Variants in DOCK4 observed in about 807,000 individuals in gnomAD.
The protein encoded by DOCK4 is dedicator of cytokinesis protein 4.
DOCK4 carries 97 observed loss-of-function variants against 268.1 expected under a neutral mutation model. The ratio of observed to expected loss-of-function variants is 0.36; its 90% CI spans 0.31 to 0.43. The LOEUF (loss-of-function observed/expected upper bound fraction) is 0.43. DOCK4 is among the 20% of genes least tolerant of loss of function. The probability of loss-of-function intolerance (pLI) is 1.00; values close to 1 mark genes in which losing one functional copy is unlikely to be tolerated. For missense variants in DOCK4, 2,145 were observed against 2,455.7 expected (o/e 0.87, Z 2.67); for synonymous variants, 954 against 887.2 (o/e 1.08, Z -1.34).
At chr7:111,767,391 T>G (rs1261391864) in intron 37 of DOCK4, among the ~76,000 whole-genome samples, 1 of 152,000 alleles carries the variant, frequency 6.6e-6, no homozygotes, top group Non-Finnish European at 1.5e-5. Flanking sequence ...CACACCCAGC[T>G]AATTCTTGTA....
intron 1 of DOCK4, among the ~76,000 whole-genome samples, chr7:112,185,901 C>A (rs1563167697): frequency 6.6e-6 from 1 of 152,232 alleles, no homozygotes; most frequent in Non-Finnish European, 1.5e-5. Context: ...CTGGCTGCAG[C>A]TGAGGGTAGG....
intron 1 of DOCK4, among the ~76,000 whole-genome samples, chr7:112,189,402 G>A (rs906703875): frequency 3.9e-5 from 6 of 152,124 alleles, no homozygotes; most frequent in Non-Finnish European, 8.8e-5. Context: ...AGTACTGACC[G>A]AAGATTTTCT....
At chr7:112,127,812 T>C (rs1813381695) in intron 1 of DOCK4, among the ~76,000 whole-genome samples, 2 of 152,120 alleles carry the variant, frequency 1.3e-5, no homozygotes, top group Non-Finnish European at 2.9e-5. Context: ...GGGTGGATCA[T>C]GAGGTCAAGA....
chr7:111,934,079 A>C lies in DOCK4; in HGVS notation c.1066+1461T>G, dbSNP rs138669218. On this transcript the variant is annotated intron_variant, in intron 12 of 52. Coordinates refer to ENST00000428084, the MANE Select transcript of DOCK4 (RefSeq NM_001363540.2). ...TATATTCAAGGTGTTTTTAAAAATCAGTCTTAAAAAACAACACATTCAGTT... is the reference window on the plus strand; with the variant it reads ...TATATTCAAGGTGTTTTTAAAAATCCGTCTTAAAAAACAACACATTCAGTT... Among the ~76,000 whole-genome samples, 810 of 152,368 alleles carry C rather than the reference A, an allele frequency of 5.3e-3. 6 individuals are homozygous for C. The highest frequency in any genetic ancestry group is 0.019 in the African/African-American group (777 of 41,596).
At position 112,202,182 on chromosome 7, in the gene DOCK4, T is replaced by C. The variant is rs544553667; in HGVS notation, c.37+3920A>G. ...CAGATATTTCTTCAGCATACTGATT[T>C]CAATTCCTGTGAATATATACCAAGC... On this transcript the variant is annotated intron_variant, in intron 1 of 52. Transcript: ENST00000428084. Among the ~76,000 whole-genome samples the C allele has an allele frequency of 2.0e-5, 3 of 152,362 alleles. No homozygotes were observed. In the South Asian group the frequency reaches 6.2e-4, roughly 32 times the overall value.
intron 47 of DOCK4, 177 bp from the exon 48 acceptor site, chr7:111,739,654 T>C: frequency 1.6e-6 from 1 of 607,134 alleles, no homozygotes; most frequent in South Asian, 2.0e-5. Context: ...TAATGAAAAG[T>C]CTGAGATTTT....
intron 52 of DOCK4, among the ~76,000 whole-genome samples, chr7:111,731,881 G>A (rs1358192320): frequency 1.3e-5 from 2 of 152,046 alleles, no homozygotes; most frequent in East Asian, 1.9e-4. Context: ...TGTGTTTGAT[G>A]TACCTTAAAC....
chr7:112,051,271 G>A (rs1386993586), intron 1 of DOCK4, among the ~76,000 whole-genome samples: 3 of 152,076 alleles, frequency 2.0e-5, no homozygotes, highest in East Asian at 1.9e-4. Context: ...CTGGGGTGGA[G>A]GGTTAAAAAC....
intron 12 of DOCK4, among the ~76,000 whole-genome samples, chr7:111,918,088 T>C (rs1334839423): frequency 1.3e-5 from 2 of 151,734 alleles, no homozygotes; most frequent in Non-Finnish European, 2.9e-5. Context: ...CAAAATAAAA[T>C]AGAAGGAAAG....
chr7:111,885,517 A>T (rs1387372989), intron 16 of DOCK4, among the ~76,000 whole-genome samples: 1 of 152,234 alleles, frequency 6.6e-6, no homozygotes, highest in Admixed American at 6.5e-5. Flanking sequence ...TACCAGTGTT[A>T]TGGCAGATGT....
chr7:112,154,394 A>G (rs1816409008), intron 1 of DOCK4, among the ~76,000 whole-genome samples: 1 of 152,250 alleles, frequency 6.6e-6, no homozygotes, highest in Admixed American at 6.5e-5. Context: ...TTTCACAACT[A>G]AGAGCACAAC....
At chr7:112,063,238 A>C (rs1806596484) in intron 1 of DOCK4, among the ~76,000 whole-genome samples, 1 of 152,220 alleles carries the variant, frequency 6.6e-6, no homozygotes, top group African/African-American at 2.4e-5. Flanking sequence ...AGCACAGGGA[A>C]TCAAAAATGC....
intron 13 of DOCK4, among the ~76,000 whole-genome samples, chr7:111,906,289 C>T (rs28657710): frequency 0.1 from 15,143 of 152,000 alleles, 930 homozygotes; most frequent in African/African-American, 0.16. Context: ...TGGTGTCATC[C>T]AGACCATAAA....
intron 23 of DOCK4, among the ~76,000 whole-genome samples, chr7:111,861,884 A>C (rs1363488580): frequency 6.6e-6 from 1 of 152,098 alleles, no homozygotes; most frequent in East Asian, 1.9e-4. Context: ...ATATTTTTAA[A>C]GCTATGTAAT....
At chr7:111,887,975 T>G (rs1453195193) in intron 16 of DOCK4, among the ~76,000 whole-genome samples, 2 of 151,844 alleles carry the variant, frequency 1.3e-5, no homozygotes, top group Non-Finnish European at 2.9e-5. Context: ...AAAGGAAGGA[T>G]GCAGATAAGT....
At chr7:112,007,495 T>C (rs1429016935) in intron 1 of DOCK4, among the ~76,000 whole-genome samples, 1 of 152,200 alleles carries the variant, frequency 6.6e-6, no homozygotes, top group African/African-American at 2.4e-5. Flanking sequence ...AAGGAATGAC[T>C]TTGATCTTTA....
intron 1 of DOCK4, among the ~76,000 whole-genome samples, chr7:112,036,633 C>G (rs1265261798): frequency 6.7e-6 from 1 of 149,716 alleles, no homozygotes; most frequent in Admixed American, 6.7e-5. Flanking sequence ...CAATTCCCAA[C>G]TTACAGTGGT....
chr7:111,761,250 G>A (rs150875772), intron 39 of DOCK4, among the ~76,000 whole-genome samples: 1,528 of 152,124 alleles, frequency 0.01, 33 homozygotes, highest in African/African-American at 0.035. Flanking sequence ...AGTAGAGATG[G>A]GGTTTCACTG....
chr7:111,786,429 G>A (rs557301689), intron 32 of DOCK4, among the ~76,000 whole-genome samples: 2 of 152,240 alleles, frequency 1.3e-5, no homozygotes, highest in South Asian at 4.2e-4. Context: ...TTGCATGTTG[G>A]TGTCTATAAT....
Sources: gnomAD v4.1 joint callset for allele counts (sites outside exome capture counted in the v4.1 genomes callset) on GRCh38, gnomAD v4.1.1 for gene constraint, MANE v1.5 for transcripts, NCBI Gene and HGNC (gene_info 2026-07-23, HGNC 2026-07-21) for gene names.